Variants in OSBPL5 observed in about 807,000 individuals in gnomAD.
OSBPL5 encodes the protein oxysterol-binding protein-related protein 5.
OSBPL5 carries 71 observed loss-of-function variants against 111.2 expected under a neutral mutation model. The ratio of observed to expected loss-of-function variants is 0.64; its 90% confidence interval spans 0.53 to 0.78. The LOEUF (loss-of-function observed/expected upper bound fraction) is 0.78. Ranked by LOEUF, OSBPL5 falls within the 30% of genes least tolerant of loss-of-function variation. The pLI is 0.00. For synonymous variants in OSBPL5, 549 were observed against 513.9 expected (o/e 1.07, Z -0.93); for missense variants, 1,210 against 1,189.3 (o/e 1.02, Z -0.26).
rs569684999 is a variant in OSBPL5 at position 3,146,846 on chromosome 11, T to A, written c.-21-17677A>T. ...GCAGCCAGATCCCCTTCGCCGTGGC[T>A]GGAGCTGGCGTTTCTATTTATGATT... On this transcript the variant is annotated intron_variant, in intron 1 of 21. Coordinates refer to ENST00000263650, the MANE Select transcript of OSBPL5 (RefSeq NM_020896.4). The surrounding 1 kb of genome is among the most constrained non-coding windows in gnomAD (Gnocchi z 7.8). Among the ~76,000 whole-genome samples, 2 of 152,256 alleles carry A rather than the reference T, an allele frequency of 1.3e-5. No individual in the cohort carries two copies. The highest frequency in any genetic ancestry group is 3.9e-4 in the East Asian group (2 of 5,178).
At position 3,162,812 on chromosome 11, in the gene OSBPL5, G is replaced by C. The variant is rs1847005875; in HGVS notation, c.-22+2404C>G. Among the ~76,000 whole-genome samples, 1 of 152,040 alleles carries C rather than the reference G, an allele frequency of 6.6e-6. No individual in the cohort carries two copies. The highest frequency in any genetic ancestry group is 1.5e-5 in the Non-Finnish European group (1 of 68,020). ...ATCGAGAACAATATTCTTTTCCTTT[G>C]TGCCGGTCACAAGCAGCATGAGGAC... On this transcript the variant is annotated intron_variant, in intron 1 of 21. Transcript: ENST00000263650. The surrounding 1 kb of genome is among the most constrained non-coding windows in gnomAD (Gnocchi z 8.1).
Position 3,120,651 on chromosome 11 carries a change from C to T in OSBPL5, c.403-27G>A, listed in dbSNP as rs1004975691. ...TGCAGGGAGGATGCTGGCGTCGATG[C>T]CCACCCTCTGGGGCCGCCATCCCTG... On this transcript the variant is annotated intron_variant, in intron 5 of 21. Transcript: ENST00000263650. The T allele has an allele frequency of 3.1e-6, 5 of 1,606,424 alleles. No homozygotes were observed. The African/African-American group carries it at 6.7e-5, about 21-fold the overall frequency.
At chr11:3,151,619 C>T (rs1475909539) in intron 1 of OSBPL5, among the ~76,000 whole-genome samples, 2 of 152,220 alleles carry the variant, frequency 1.3e-5, no homozygotes, top group African/African-American at 2.4e-5. Context: ...CCTTTATTTC[C>T]CCCACGGCAC....
intron 1 of OSBPL5, among the ~76,000 whole-genome samples, chr11:3,135,777 C>T (rs548669241): frequency 6.6e-6 from 1 of 152,290 alleles, no homozygotes; most frequent in South Asian, 2.1e-4. Context: ...ACTGCTTGAC[C>T]CCCCTTCCTG....
rs1414325227 is a variant in OSBPL5, at chr11:3,140,440, T to G, written c.-21-11271A>C. 6.6e-6 allele frequency among the ~76,000 whole-genome samples: 1 copy of G among 152,132 alleles called. No individual in the cohort carries two copies. The highest frequency in any genetic ancestry group is 2.4e-5 in the African/African-American group (1 of 41,410). On this transcript the variant is annotated intron_variant, in intron 1 of 21. Coordinates refer to ENST00000263650, the MANE Select transcript of OSBPL5 (RefSeq NM_020896.4). This position sits in a 1 kb window ranked among gnomAD's most constrained non-coding sequence, Gnocchi z 4.5. ...GAAAAGCCAGCACAGCGTGTCCTCCTGAGAGGCCTGTGTGGACACTCAGGG... is the reference window on the plus strand; with the variant it reads ...GAAAAGCCAGCACAGCGTGTCCTCCGGAGAGGCCTGTGTGGACACTCAGGG...
rs1858073629 is a variant in OSBPL5 at position 3,113,287 on chromosome 11, A to G, written c.692-5342T>C. Among the ~76,000 whole-genome samples, 1 of 152,242 alleles carries G rather than the reference A, an allele frequency of 6.6e-6. No homozygotes were observed. Among genetic ancestry groups the G allele is most frequent in the East Asian group, 1.9e-4 (1 of 5,206 alleles). On this transcript the variant is annotated intron_variant, in intron 7 of 21. Transcript: ENST00000263650. The surrounding 1 kb of genome is among the most constrained non-coding windows in gnomAD (Gnocchi z 4.8). ...GCATTTATTAATCAAGCAATTTCAT[A>G]CTTATCCCTGCCAAATACCATGAGG...
intron 1 of OSBPL5, among the ~76,000 whole-genome samples, chr11:3,132,376 G>GC (rs1189088870): frequency 6.6e-6 from 1 of 152,192 alleles, no homozygotes; most frequent in Admixed American, 6.5e-5. Flanking sequence ...CCCTTCTGGA[G>GC]CCCCCCATCC....
intron 1 of OSBPL5, among the ~76,000 whole-genome samples, chr11:3,160,672 T>TCCCCCCCCCCCCCCCCCCCCCCCCCCCCC (rs71035491): frequency 1.6e-5 from 2 of 122,442 alleles, no homozygotes; most frequent in Non-Finnish European, 1.7e-5. Flanking sequence ...ATGACAACCC[T>TCCCCCCCCCCCCCCCCCCCCCCCCCCCCC]CCCCCCCCCC....
rs768420950 is a variant in OSBPL5, at chr11:3,121,908, C to T, written c.402+89G>A. 9.2e-6 allele frequency: 11 copies of T among 1,194,118 alleles called. No homozygotes were observed. In the Middle Eastern group the frequency reaches 5.8e-4, roughly 63 times the overall value. 74.0% of individuals were successfully genotyped at this position (1,194,118 alleles called of 1,614,324 possible). ...TAGATGCAGGGAAGTGAATTTCCAT[C>T]GTTTCAGGCCACCTGGTTTATGGTC... On this transcript the variant is annotated intron_variant, in intron 5 of 21. Transcript: ENST00000263650. This position sits in a 1 kb window ranked among gnomAD's most constrained non-coding sequence, Gnocchi z 4.3.
rs1266153362 is a variant in OSBPL5, at chr11:3,113,514, G to C, written c.692-5569C>G. ...TACTAAAAATACAAAAATTAGCCAGGTGTGTTGGCAGGCACCTGTAATCCC... is the reference window on the plus strand; with the variant it reads ...TACTAAAAATACAAAAATTAGCCAGCTGTGTTGGCAGGCACCTGTAATCCC... On this transcript the variant is annotated intron_variant, in intron 7 of 21. Transcript: ENST00000263650. This position sits in a 1 kb window ranked among gnomAD's most constrained non-coding sequence, Gnocchi z 4.8. Among the ~76,000 whole-genome samples, 1 of 152,150 alleles carries C rather than the reference G, an allele frequency of 6.6e-6. No individual in the cohort carries two copies. The highest frequency in any genetic ancestry group is 6.5e-5 in the Admixed American group (1 of 15,274).
In OSBPL5 at chr11:3,141,359, C is replaced by A. The variant is rs188984033; in HGVS notation, c.-21-12190G>T. 4.6e-5 allele frequency among the ~76,000 whole-genome samples: 7 copies of A among 152,094 alleles called. No individual in the cohort carries two copies. Among genetic ancestry groups the A allele is most frequent in the Non-Finnish European group, 1.0e-4 (7 of 68,022 alleles). On this transcript the variant is annotated intron_variant, in intron 1 of 21. Coordinates refer to ENST00000263650, the MANE Select transcript of OSBPL5 (RefSeq NM_020896.4). The surrounding 1 kb of genome is among the most constrained non-coding windows in gnomAD (Gnocchi z 6.5). ...CTGTGACTCTGCATAGTGGGAAGGA[C>A]GTGGATTCTAGAAACCCCTCCTGCC...
Position 3,104,452 on chromosome 11 carries a change from T to C in OSBPL5, c.1060-75A>G. On this transcript the variant is annotated intron_variant, in intron 9 of 21. Coordinates refer to ENST00000263650, the MANE Select transcript of OSBPL5 (RefSeq NM_020896.4). This position sits in a 1 kb window ranked among gnomAD's most constrained non-coding sequence, Gnocchi z 5.0. Reference sequence around the variant, plus strand: ...AGGGGTGGCGGGACAGTGGCAGCTCTGGCTGGAGGAGGCTGTACCTGCCAC... The same window carrying C: ...AGGGGTGGCGGGACAGTGGCAGCTCCGGCTGGAGGAGGCTGTACCTGCCAC... The C allele has an allele frequency of 6.5e-7, 1 of 1,526,994 alleles. No individual in the cohort carries two copies. Among genetic ancestry groups the C allele is most frequent in the Admixed American group, 2.0e-5 (1 of 51,094 alleles). 94.6% of individuals were successfully genotyped at this position (1,526,994 alleles called of 1,614,324 possible).
chr11:3,121,342 G>A lies in OSBPL5; in HGVS notation c.402+655C>T, dbSNP rs373452590. On this transcript the variant is annotated intron_variant, in intron 5 of 21. Transcript: ENST00000263650. The surrounding 1 kb of genome is among the most constrained non-coding windows in gnomAD (Gnocchi z 4.3). ...CAAAGTGTTGGGATTACAGGTGTGA[G>A]CCACTGCACCCGGCCTGGCAGCTCT... Among the ~76,000 whole-genome samples, 2 of 152,136 alleles carry A rather than the reference G, an allele frequency of 1.3e-5. No homozygotes were observed. Among genetic ancestry groups the A allele is most frequent in the African/African-American group, 2.4e-5 (1 of 41,432 alleles).
Position 3,092,444 on chromosome 11 carries a change from C to A in OSBPL5, c.2247G>T (p.Gly749=). ...GTGGGGTGCTGACCTCGTGCCTGGG[C>A]CCTGGGCTGCCCAGGAAGGTGGTCT... ...ARQTTFLGSP[G]PRHERSGPDQ... Residue 749 remains glycine, a synonymous_variant, in exon 19 of 22, where the codon GGG becomes GGT. Transcript: ENST00000263650. This position sits in a 1 kb window ranked among gnomAD's most constrained non-coding sequence, Gnocchi z 5.4. 6.3e-7 allele frequency: 1 copy of A among 1,580,264 alleles called. No individual in the cohort carries two copies. Among genetic ancestry groups the A allele is most frequent in the African/African-American group, 1.3e-5 (1 of 74,270 alleles).
chr11:3,157,488 G>C (rs1846811555), intron 1 of OSBPL5, among the ~76,000 whole-genome samples: 1 of 152,208 alleles, frequency 6.6e-6, no homozygotes, highest in African/African-American at 2.4e-5. Flanking sequence ...GATGGAGGCA[G>C]GCTTTGCAGG....
chr11:3,118,006 A>G (rs1306077487), intron 7 of OSBPL5, among the ~76,000 whole-genome samples: 1 of 152,216 alleles, frequency 6.6e-6, no homozygotes, highest in African/African-American at 2.4e-5. Context: ...ATAGGACATG[A>G]GACTTCACAG....
intron 14 of OSBPL5, among the ~76,000 whole-genome samples, chr11:3,097,250 A>G (rs1857305238): frequency 6.6e-6 from 1 of 152,024 alleles, no homozygotes; most frequent in Non-Finnish European, 1.5e-5. Context: ...GGTCAGAGTA[A>G]CCAGGAGAGA....
chr11:3,156,013 G>T (rs1243194148), intron 1 of OSBPL5, among the ~76,000 whole-genome samples: 2 of 152,258 alleles, frequency 1.3e-5, no homozygotes, highest in African/African-American at 4.8e-5. Flanking sequence ...TCTATGTATG[G>T]TGTGTCCCCT....
At chr11:3,122,288 G>A in intron 4 of OSBPL5, 60 bp downstream of exon 4, 2 of 1,554,064 alleles carry the variant, frequency 1.3e-6, no homozygotes, top group Non-Finnish European at 1.8e-6. Flanking sequence ...GACCTCCCTG[G>A]CTCAGGTGGC....
Sources: gnomAD v4.1 joint callset for allele counts (sites outside exome capture counted in the v4.1 genomes callset) on GRCh38, gnomAD v4.1.1 for gene constraint, Gnocchi (gnomAD v3.1) non-coding constraint, MANE v1.5 for transcripts, NCBI Gene and HGNC (gene_info 2026-07-23, HGNC 2026-07-21) for gene names.